Variants in MYO5B observed in about 807,000 individuals in gnomAD.
MYO5B encodes myosin VB, also known as unconventional myosin-Vb.
A neutral mutation model predicts 229.3 loss-of-function variants in MYO5B; 143 were observed. The observed-to-expected ratio is 0.62, with a 90% CI of 0.54 to 0.72. The LOEUF (loss-of-function observed/expected upper bound fraction) is 0.72, where lower values mean the gene tolerates loss of function less well. Among genes scored for constraint, MYO5B ranks in the 30% least tolerant of loss-of-function variants. MYO5B has a pLI of 0.00. For synonymous variants in MYO5B, 918 were observed against 885.2 expected (o/e 1.04, Z -0.66); for missense variants, 2,321 against 2,331.0 (o/e 1.00, Z 0.09).
chr18:50,083,192 C>T (rs1311780704), intron 1 of MYO5B, among the ~76,000 whole-genome samples: 1 of 152,232 alleles, frequency 6.6e-6, no homozygotes, highest in Admixed American at 6.5e-5. Context: ...GGAAGGCACA[C>T]AGTCTCTGTG....
At chr18:49,969,409 T>G (rs905187790) in intron 10 of MYO5B, among the ~76,000 whole-genome samples, 1 of 152,204 alleles carries the variant, frequency 6.6e-6, no homozygotes, top group African/African-American at 2.4e-5. Context: ...ATCATTGTAG[T>G]CAACCTACAG....
At chr18:50,149,885 G>C (rs929590054) in intron 1 of MYO5B, among the ~76,000 whole-genome samples, 2 of 148,384 alleles carry the variant, frequency 1.3e-5, no homozygotes, top group Non-Finnish European at 3.0e-5. Context: ...TACCATCAGA[G>C]TGAACAGGCA....
rs372708509 is a variant in MYO5B at position 49,843,384 on chromosome 18, G to A, written c.4468C>T (p.Pro1490Ser). 5 of 1,614,072 alleles carry A rather than the reference G, an allele frequency of 3.1e-6. No homozygotes were observed. In the South Asian group the frequency reaches 4.4e-5, roughly 14 times the overall value. ...GGCACTGTGCCCGACAGCATCTGGG[G>A]CTTCAAGTCTAAGGGCAACGAGAGC... ...LIRNLVTDLK[P>S]QMLSGTVPCL... The change falls in exon 34 of 40, where the codon CCC becomes TCC. Residue 1490 changes from proline to serine, a missense_variant. Around this residue, in one of 2 missense-constraint regions of MYO5B, gnomAD observed 2,113 missense variants for 2,044.7 expected, o/e 1.03. Transcript: ENST00000285039.
At position 49,843,301 on chromosome 18, in the gene MYO5B, G is replaced by A. The variant is rs751924360; in HGVS notation, c.4551C>T (p.Asp1517=). Residue 1517 remains aspartate (D), a synonymous_variant, in exon 34 of 40, where the codon GAC becomes GAT. Coordinates refer to ENST00000285039, the MANE Select transcript of MYO5B (RefSeq NM_001080467.3). ...TCAGCAGGGAGTGCACCTTGAGATC[G>A]TCGTTGGTGTAGTCCGCGTGCCGGA... ...MCIRHADYTN[D]DLKVHSLLTS... 14 of 1,614,078 alleles carry A rather than the reference G, an allele frequency of 8.7e-6. No homozygotes were observed. Among genetic ancestry groups the A allele is most frequent in the Middle Eastern group, 1.6e-4 (1 of 6,084 alleles).
At chr18:49,850,107 C>A (rs669350) in intron 31 of MYO5B, 119,324 of 277,146 alleles carry the variant, frequency 0.43, 27,357 homozygotes, top group Non-Finnish European at 0.49. Context: ...CAGGGCCCAG[C>A]GGCAAAACAG....
chr18:50,068,944 A>G (rs2144443511), intron 1 of MYO5B, among the ~76,000 whole-genome samples: 1 of 152,314 alleles, frequency 6.6e-6, no homozygotes, highest in Non-Finnish European at 1.5e-5. Context: ...TGGAAAGGTC[A>G]AAGTTTGTGG....
At chr18:49,999,134 C>T (rs2026019660) in intron 5 of MYO5B, among the ~76,000 whole-genome samples, 1 of 152,206 alleles carries the variant, frequency 6.6e-6, no homozygotes, top group Non-Finnish European at 1.5e-5. Context: ...CTCTGGAGCT[C>T]AAAGAGGTTT....
chr18:49,862,560 G>A (rs1475221183), intron 29 of MYO5B, among the ~76,000 whole-genome samples: 1 of 152,188 alleles, frequency 6.6e-6, no homozygotes, highest in African/African-American at 2.4e-5. Context: ...ACTCTGCAGT[G>A]CACCTTCTCA....
chr18:50,058,764 T>C (rs1355006892), intron 1 of MYO5B, among the ~76,000 whole-genome samples: 4 of 152,146 alleles, frequency 2.6e-5, no homozygotes, highest in South Asian at 2.1e-4. Context: ...TGAGCAGAGA[T>C]TGTACCACTG....
At chr18:49,872,540 T>A (rs1404832987) in intron 26 of MYO5B, among the ~76,000 whole-genome samples, 2 of 152,138 alleles carry the variant, frequency 1.3e-5, no homozygotes, top group Non-Finnish European at 2.9e-5. Context: ...CCAAATGATA[T>A]TCTGAAGTCC....
rs181668645 is a variant in MYO5B at position 50,138,493 on chromosome 18, G to T, written c.27+56274C>A. Among the ~76,000 whole-genome samples, 736 of 152,298 alleles carry T rather than the reference G, an allele frequency of 4.8e-3. 8 individuals are homozygous for T. The highest frequency in any genetic ancestry group is 0.015 in the African/African-American group (613 of 41,556). On this transcript the variant is annotated intron_variant, in intron 1 of 39. Transcript: ENST00000285039. ...CTGCAGAAGAAGTGGCAGCTCAGGA[G>T]AGGACAAAAGAAAAGAAAGGCACCA...
rs749212421 is a variant in MYO5B, at chr18:49,937,350, A to G, written c.1800T>C (p.Pro600=). Reference sequence around the variant, plus strand: ...ATGACCCCTTCCCAGGGGTGGTGGCAGGAACAGGGTCCTTGTCATCATGAA... The same window carrying G: ...ATGACCCCTTCCCAGGGGTGGTGGCGGGAACAGGGTCCTTGTCATCATGAA... ...DLFHDDKDPV[P]ATTPGKGSSS... The change falls in exon 15 of 40, where the codon CCT becomes CCC. Residue 600 remains proline, a synonymous_variant. Coordinates refer to ENST00000285039, the MANE Select transcript of MYO5B (RefSeq NM_001080467.3). 3 of 1,614,128 alleles carry G rather than the reference A, an allele frequency of 1.9e-6. No individual in the cohort carries two copies. The highest frequency in any genetic ancestry group is 3.3e-5 in the Admixed American group (2 of 60,022).
At chr18:49,857,120 T>G (rs1388062187) in intron 29 of MYO5B, among the ~76,000 whole-genome samples, 1 of 152,222 alleles carries the variant, frequency 6.6e-6, no homozygotes, top group Non-Finnish European at 1.5e-5. Flanking sequence ...TGTGGTCTCA[T>G]GTGGGGCCTG....
At chr18:49,970,225 T>C (rs1024076627) in intron 10 of MYO5B, among the ~76,000 whole-genome samples, 3 of 152,162 alleles carry the variant, frequency 2.0e-5, no homozygotes, top group Non-Finnish European at 4.4e-5. Flanking sequence ...TGGTCAAAAA[T>C]ACCCTGAAGG....
intron 1 of MYO5B, among the ~76,000 whole-genome samples, chr18:50,103,683 G>C (rs1177282113): frequency 6.6e-6 from 1 of 152,154 alleles, no homozygotes; most frequent in Non-Finnish European, 1.5e-5. Flanking sequence ...TGGGGCTGCA[G>C]TGAGCTATGA....
At chr18:50,001,611 C>T (rs1206258141) in intron 4 of MYO5B, among the ~76,000 whole-genome samples, 200 bp from the exon 5 acceptor site, 1 of 152,208 alleles carries the variant, frequency 6.6e-6, no homozygotes, top group African/African-American at 2.4e-5. Flanking sequence ...GAAAGCAATT[C>T]TAACAGGGCA....
At chr18:50,167,375 G>C (rs1426402163) in intron 1 of MYO5B, among the ~76,000 whole-genome samples, 1 of 152,132 alleles carries the variant, frequency 6.6e-6, no homozygotes, top group Non-Finnish European at 1.5e-5. Context: ...AAATAAGAAG[G>C]CTTAAGTTTC....
At chr18:49,856,063 C>T (rs1341520414) in intron 30 of MYO5B, among the ~76,000 whole-genome samples, 1 of 152,198 alleles carries the variant, frequency 6.6e-6, no homozygotes, top group African/African-American at 2.4e-5. Context: ...TATGGTGTGA[C>T]CATCACATGG....
intron 16 of MYO5B, among the ~76,000 whole-genome samples, chr18:49,932,589 T>C (rs2025205368): frequency 3.3e-5 from 5 of 152,154 alleles, no homozygotes; most frequent in Admixed American, 3.3e-4. Flanking sequence ...TGTACCTCAT[T>C]TTCCTCATTT....
Sources: gnomAD v4.1 joint callset for allele counts (sites outside exome capture counted in the v4.1 genomes callset) on GRCh38, gnomAD v4.1.1 for gene constraint, gnomAD v4.1.1 regional missense constraint, MANE v1.5 for transcripts, NCBI Gene and HGNC (gene_info 2026-07-23, HGNC 2026-07-21) for gene names.